The following MAGI1 variants were observed in gnomAD, a reference collection of about 807,000 sequenced individuals.
MAGI1 encodes the protein membrane associated guanylate kinase, WW and PDZ domain containing 1, also known as membrane-associated guanylate kinase, WW and PDZ domain-containing protein 1.
Under a neutral mutation model 139.9 loss-of-function variants are expected in MAGI1, and 58 were observed. That is an observed-to-expected ratio of 0.41 (90% CI 0.34 to 0.52). The LOEUF (loss-of-function observed/expected upper bound fraction) is 0.52, where lower values mean the gene tolerates loss of function less well. Ranked by LOEUF, MAGI1 falls within the 20% of genes least tolerant of loss-of-function variation. MAGI1 has a pLI of 0.12. For synonymous variants in MAGI1, 812 were observed against 737.9 expected (o/e 1.10, Z -1.63); for missense variants, 1,874 against 1,901.6 (o/e 0.99, Z 0.27).
At chr3:65,699,796 G>A (rs1039917148) in intron 1 of MAGI1, among the ~76,000 whole-genome samples, 1 of 149,402 alleles carries the variant, frequency 6.7e-6, no homozygotes, top group Non-Finnish European at 1.5e-5. Flanking sequence ...GTTAGTGGGT[G>A]CAACACACCA....
chr3:65,721,767 A>T (rs1247007441), intron 1 of MAGI1, among the ~76,000 whole-genome samples: 1 of 152,136 alleles, frequency 6.6e-6, no homozygotes, highest in Non-Finnish European at 1.5e-5. Flanking sequence ...TATGGAATTA[A>T]ATCATTGCAC....
At chr3:65,979,977 A>G (rs1184591822) in intron 1 of MAGI1, among the ~76,000 whole-genome samples, 1 of 152,302 alleles carries the variant, frequency 6.6e-6, no homozygotes, top group East Asian at 1.9e-4. Context: ...CAAACTGACC[A>G]TCATTCCCGG....
At chr3:65,807,364 C>A (rs2040927184) in intron 1 of MAGI1, among the ~76,000 whole-genome samples, 1 of 152,144 alleles carries the variant, frequency 6.6e-6, no homozygotes, top group South Asian at 2.1e-4. Context: ...AAGGGACCGG[C>A]TTTCTCTTCA....
intron 1 of MAGI1, among the ~76,000 whole-genome samples, chr3:65,839,919 T>C (rs867003424): frequency 4.6e-5 from 7 of 152,368 alleles, no homozygotes; most frequent in African/African-American, 1.7e-4. Flanking sequence ...TCCATTCATT[T>C]AGGTCTCATT....
chr3:65,601,638 G>T (rs892741538), intron 2 of MAGI1, among the ~76,000 whole-genome samples: 1 of 151,994 alleles, frequency 6.6e-6, no homozygotes, highest in African/African-American at 2.4e-5. Flanking sequence ...AATTCAAAAT[G>T]CACCATGGAC....
chr3:65,857,747 C>T (rs1483064367), intron 1 of MAGI1, among the ~76,000 whole-genome samples: 1 of 152,182 alleles, frequency 6.6e-6, no homozygotes, highest in Admixed American at 6.5e-5. Context: ...TCAGGTGGTG[C>T]TGTAGTCTGC....
chr3:65,623,650 T>C (rs917111897), intron 1 of MAGI1, among the ~76,000 whole-genome samples: 17 of 152,148 alleles, frequency 1.1e-4, no homozygotes, highest in African/African-American at 3.4e-4. Flanking sequence ...AACTTCCCTA[T>C]GGTCAAAAAG....
At chr3:65,566,389 G>T (rs1033949032) in intron 2 of MAGI1, among the ~76,000 whole-genome samples, 3 of 152,030 alleles carry the variant, frequency 2.0e-5, no homozygotes, top group Non-Finnish European at 4.4e-5. Context: ...AACAGGGACT[G>T]AGTAGTAAGA....
intron 1 of MAGI1, among the ~76,000 whole-genome samples, chr3:65,851,479 T>C (rs1025111489): frequency 1.4e-4 from 21 of 152,248 alleles, no homozygotes; most frequent in Admixed American, 1.3e-3. Context: ...CCAGGCGCGG[T>C]GGCTCACGCC....
chr3:65,895,745 A>T (rs933545335), intron 1 of MAGI1, among the ~76,000 whole-genome samples: 1 of 152,228 alleles, frequency 6.6e-6, no homozygotes, highest in Non-Finnish European at 1.5e-5. Context: ...TTTAACATTG[A>T]AAAACAGTAT....
At chr3:65,592,719 G>C (rs189293085) in intron 2 of MAGI1, among the ~76,000 whole-genome samples, 1 of 152,178 alleles carries the variant, frequency 6.6e-6, no homozygotes, top group African/African-American at 2.4e-5. Flanking sequence ...ACTTCAGAAA[G>C]AATGAGGGCT....
intron 1 of MAGI1, among the ~76,000 whole-genome samples, chr3:65,720,678 G>A (rs575477871): frequency 6.6e-6 from 1 of 152,252 alleles, no homozygotes; most frequent in African/African-American, 2.4e-5. Context: ...AGGAAGTTCA[G>A]GATAGATAGA....
chr3:65,357,661 A>C (rs1299401571), intron 22 of MAGI1, among the ~76,000 whole-genome samples: 2 of 152,126 alleles, frequency 1.3e-5, no homozygotes, highest in Non-Finnish European at 2.9e-5. Flanking sequence ...TCTACATCTT[A>C]TCTGGGTGGT....
At chr3:65,907,833 G>C (rs948773334) in intron 1 of MAGI1, among the ~76,000 whole-genome samples, 1 of 152,052 alleles carries the variant, frequency 6.6e-6, no homozygotes, top group Admixed American at 6.6e-5. Flanking sequence ...TTTGTCACTG[G>C]CTTTTTAGGA....
chr3:65,881,638 A>C (rs1327324821), intron 1 of MAGI1, among the ~76,000 whole-genome samples: 2 of 152,178 alleles, frequency 1.3e-5, no homozygotes, highest in Admixed American at 6.6e-5. Flanking sequence ...AAAAAAAAAA[A>C]AAGTTAGGAC....
At chr3:65,774,599 A>G (rs963661268) in intron 1 of MAGI1, among the ~76,000 whole-genome samples, 4 of 152,162 alleles carry the variant, frequency 2.6e-5, no homozygotes, top group Non-Finnish European at 5.9e-5. Context: ...TTTTGTTCAC[A>G]TAGTTTATGG....
At chr3:65,493,370 A>T in intron 3 of MAGI1, 142 bp downstream of exon 3, 1 of 877,282 alleles carries the variant, frequency 1.1e-6, no homozygotes. Context: ...TTTGTCTATT[A>T]TTCGTCATAT....
At chr3:65,860,901 C>T (rs1397693446) in intron 1 of MAGI1, among the ~76,000 whole-genome samples, 4 of 151,622 alleles carry the variant, frequency 2.6e-5, no homozygotes, top group South Asian at 2.1e-4. Flanking sequence ...ATAGAGAATT[C>T]GAATTCAAAT....
intron 1 of MAGI1, among the ~76,000 whole-genome samples, chr3:65,640,274 A>G (rs2084914937): frequency 6.6e-6 from 1 of 152,100 alleles, no homozygotes; most frequent in African/African-American, 2.4e-5. Flanking sequence ...CTAATACATC[A>G]TCTGCCTCCT....
Sources: allele counts gnomAD v4.1 joint callset (sites outside exome capture counted in the v4.1 genomes callset), GRCh38; gene constraint gnomAD v4.1.1; transcripts MANE v1.5; gene names NCBI Gene and HGNC (gene_info 2026-07-23, HGNC 2026-07-21).